The following TMEM67 variants were observed in gnomAD, a reference collection of about 807,000 sequenced individuals.
TMEM67 encodes the protein meckelin.
TMEM67 carries 124 observed loss-of-function variants against 136.6 expected under a neutral mutation model. The observed-to-expected ratio is 0.91, with a 90% CI of 0.78 to 1.05. The LOEUF is 1.05. TMEM67 is among the 50% of genes least tolerant of loss of function. The pLI, the probability that TMEM67 is intolerant of heterozygous loss-of-function variation, is 0.00. For missense variants in TMEM67, 1,107 were observed against 1,178.4 expected, an observed-to-expected ratio of 0.94 and a Z score of 0.89; for synonymous variants, 364 against 390.5, an observed-to-expected ratio of 0.93 and a Z score of 0.80.
At chr8:93,808,996 T>C in intron 24 of TMEM67, 40 bp downstream of exon 24, 1 of 1,523,328 alleles carries the variant, frequency 6.6e-7, no homozygotes, top group African/African-American at 1.4e-5. Flanking sequence ...CTGTCAATAT[T>C]TCATGTTTTT....
chr8:93,775,798 C>A (rs1217552790), intron 7 of TMEM67, among the ~76,000 whole-genome samples: 1 of 152,134 alleles, frequency 6.6e-6, no homozygotes, highest in East Asian at 1.9e-4. Context: ...ATGCCTCCAG[C>A]TTTGTTCTTT....
At chr8:93,815,679 A>T (rs1444017004) in intron 27 of TMEM67, among the ~76,000 whole-genome samples, 1 of 152,246 alleles carries the variant, frequency 6.6e-6, no homozygotes, top group Non-Finnish European at 1.5e-5. Flanking sequence ...TTGCTTGATT[A>T]TACATGGAAG....
chr8:93,760,281 C>A (rs534135349), intron 3 of TMEM67, among the ~76,000 whole-genome samples: 1 of 152,078 alleles, frequency 6.6e-6, no homozygotes, highest in East Asian at 1.9e-4. Flanking sequence ...ACTATAATCA[C>A]ATATATGACA....
At chr8:93,759,953 A>G (rs1261395700) in intron 3 of TMEM67, 4 of 1,537,232 alleles carry the variant, frequency 2.6e-6, no homozygotes, top group South Asian at 2.4e-5. Flanking sequence ...TGACCTTGGC[A>G]TGTACTTTAG....
the TMEM67 span, among the ~76,000 whole-genome samples, chr8:93,828,063 G>C: frequency 6.6e-6 from 1 of 152,228 alleles, no homozygotes; most frequent in African/African-American, 2.4e-5. Flanking sequence ...TTGAGCAGCT[G>C]TGCCAGCCCC....
At chr8:93,808,018 A>T (rs1200949997) in intron 23 of TMEM67, among the ~76,000 whole-genome samples, 1 of 151,904 alleles carries the variant, frequency 6.6e-6, no homozygotes, top group East Asian at 1.9e-4. Context: ...AGCATCTTAA[A>T]AATGTTTAGA....
intron 26 of TMEM67, among the ~76,000 whole-genome samples, chr8:93,814,298 C>T (rs1012286237): frequency 1.3e-5 from 2 of 151,726 alleles, no homozygotes; most frequent in Non-Finnish European, 2.9e-5. Context: ...CGCCACCATG[C>T]GTGGCTAATT....
chr8:93,787,051 A>G (rs1814142206), intron 13 of TMEM67, among the ~76,000 whole-genome samples: 1 of 152,142 alleles, frequency 6.6e-6, no homozygotes, highest in Non-Finnish European at 1.5e-5. Flanking sequence ...TCTTTTCAGC[A>G]TTTCTTCAGT....
chr8:93,829,565 A>G, the TMEM67 span, among the ~76,000 whole-genome samples: 1 of 152,218 alleles, frequency 6.6e-6, no homozygotes, highest in South Asian at 2.1e-4. Flanking sequence ...GCGATCACAT[A>G]GGCTTAGAGC....
In TMEM67 at chr8:93,817,355, AC is replaced by A; in HGVS notation, c.*907del. 1 of 151,864 alleles carries A rather than the reference AC, an allele frequency of 6.6e-6. No homozygotes were observed. Among genetic ancestry groups the A allele is most frequent in the Middle Eastern group, 3.4e-3 (1 of 296 alleles). The allele number at this position is 151,864 out of a possible 1,614,324, so 9.4% of individuals were successfully genotyped here. Reference sequence around the variant, plus strand: ...AAGAACAGCCTGGCCAACATGGAAAACCCCATCTCTACAAAAAATACAAAAA... The same window carrying A: ...AAGAACAGCCTGGCCAACATGGAAAACCCATCTCTACAAAAAATACAAAAA... On this transcript the variant is annotated 3_prime_UTR_variant, in exon 28 of 28. Transcript: ENST00000453321.
rs1419511658 is a variant in TMEM67, at chr8:93,763,861, A to G, written c.426A>G (p.Gly142=). The G allele has an allele frequency of 1.9e-5, 30 of 1,612,872 alleles. No individual in the cohort carries two copies. Among genetic ancestry groups the G allele is most frequent in the Non-Finnish European group, 2.5e-5 (30 of 1,178,936 alleles). The change falls in exon 4 of 28, where the codon GGA becomes GGG. Residue 142 remains glycine, a synonymous_variant. Transcript: ENST00000453321. ...GTTCAGTGGAAAGAGACATTAATGG[A>G]ACATTGTTGTCTCAAGCAACTTGTG... is the stretch of plus-strand genomic sequence containing the variant. ...GHILVERDIN[G]TLLSQATCEL... is the part of the protein sequence containing the mutation.
intron 15 of TMEM67, among the ~76,000 whole-genome samples, chr8:93,791,686 T>C (rs1221350229): frequency 1.3e-5 from 2 of 152,210 alleles, no homozygotes; most frequent in African/African-American, 4.8e-5. Context: ...TCCATTATTT[T>C]GGCCCTCAAT....
intron 26 of TMEM67, among the ~76,000 whole-genome samples, chr8:93,814,468 G>GT (rs1244574950): frequency 0.018 from 1,439 of 80,684 alleles, 21 homozygotes; most frequent in African/African-American, 0.061. Flanking sequence ...GCTTTTTTTT[G>GT]TTTTTTTTTA....
intron 18 of TMEM67, among the ~76,000 whole-genome samples, chr8:93,796,890 TAAAG>T (rs1221485795): frequency 8.5e-5 from 13 of 152,120 alleles, no homozygotes; most frequent in Admixed American, 6.6e-4. Flanking sequence ...ATTCCTATTT[TAAAG>T]AAAGAAAGAA....
At chr8:93,805,068 G>A (rs560296495) in intron 23 of TMEM67, among the ~76,000 whole-genome samples, 190 bp downstream of exon 23, 1 of 152,212 alleles carries the variant, frequency 6.6e-6, no homozygotes, top group Admixed American at 6.5e-5. Context: ...TGCCTTCTGG[G>A]TTCAAGTGAT....
intron 12 of TMEM67, chr8:93,785,660 G>A (rs528275335): frequency 1.8e-4 from 56 of 312,430 alleles, no homozygotes; most frequent in African/African-American, 1.2e-3. Context: ...TCGTCAAGCT[G>A]TCCCGAATAT....
At position 93,797,137 on chromosome 8, in the gene TMEM67, C is replaced by T. The variant is rs749637489; in HGVS notation, c.1864C>T (p.Leu622=). The T allele has an allele frequency of 3.1e-6, 5 of 1,596,856 alleles. No homozygotes were observed. Among genetic ancestry groups the T allele is most frequent in the African/African-American group, 2.7e-5 (2 of 74,532 alleles). ...YVGCAFALKA[L]QFLHKLISQI... ...TTTTATTATATGTCATTCTCAGGCA[C>T]TACAATTTTTGCATAAGCTCATATC... is the stretch of plus-strand genomic sequence containing the variant. Residue 622 remains leucine (L), a synonymous_variant, in exon 19 of 28, where the codon CTA becomes TTA. Coordinates refer to ENST00000453321, the MANE Select transcript of TMEM67 (RefSeq NM_153704.6).
At chr8:93,794,696 T>G (rs1470984208) in intron 16 of TMEM67, 3 of 152,376 alleles carry the variant, frequency 2.0e-5, no homozygotes, top group Non-Finnish European at 4.4e-5. Flanking sequence ...CCCAGAGAAA[T>G]GAACTTTAAG....
intron 7 of TMEM67, among the ~76,000 whole-genome samples, chr8:93,772,896 C>T (rs573241748): frequency 1.4e-4 from 22 of 152,230 alleles, no homozygotes; most frequent in Non-Finnish European, 1.5e-5. Flanking sequence ...CTGACTGTCA[C>T]TTAGTAAATG....
Sources: allele counts gnomAD v4.1 joint callset (sites outside exome capture counted in the v4.1 genomes callset), GRCh38; gene constraint gnomAD v4.1.1; transcripts MANE v1.5; gene names NCBI Gene and HGNC (gene_info 2026-07-23, HGNC 2026-07-21).